Variants in GSE1 observed in about 807,000 individuals in gnomAD.
GSE1 encodes genetic suppressor element 1.
GSE1 carries 32 observed loss-of-function variants against 112.6 expected under a neutral mutation model. The observed-to-expected ratio is 0.28, with a 90% CI of 0.21 to 0.38. GSE1 has a LOEUF of 0.38. Among genes scored for constraint, GSE1 ranks in the 10% least tolerant of loss-of-function variants. GSE1 has a pLI of 1.00. For synonymous variants in GSE1, 1,115 were observed against 735.6 expected, an observed-to-expected ratio of 1.52 and a Z score of -8.35; for missense variants, 2,348 against 1,699.2, an observed-to-expected ratio of 1.38 and a Z score of -6.71.
rs150522696 is a variant in GSE1 at position 85,569,078 on chromosome 16, C to G, written c.37+12715C>G. ...GAGCCTCCTCCCAAATTCAAGCCTTCTTGAAATAGTAAGTTTGCATTTTTT... is the reference window on the plus strand; with the variant it reads ...GAGCCTCCTCCCAAATTCAAGCCTTGTTGAAATAGTAAGTTTGCATTTTTT... On this transcript the variant is annotated intron_variant, in intron 1 of 2. Transcript: ENST00000635906. Among the ~76,000 whole-genome samples the G allele has an allele frequency of 1.8e-3, 270 of 152,324 alleles. 1 individual carries two copies. The highest frequency in any genetic ancestry group is 0.014 in the Middle Eastern group (4 of 294).
exon 2 of GSE1, chr16:85,357,640 G>A: frequency 2.3e-6 from 3 of 1,288,256 alleles, no homozygotes; most frequent in Non-Finnish European, 3.0e-6. Context: ...CCTTACTGGT[G>A]CAGGTAGACG....
At chr16:85,477,911 G>T (rs1480772783) in intron 2 of GSE1, among the ~76,000 whole-genome samples, 2 of 152,192 alleles carry the variant, frequency 1.3e-5, no homozygotes, top group African/African-American at 4.8e-5. Context: ...CTCATATCAT[G>T]CATTTCACCC....
At chr16:85,264,776 G>A (rs1486181570) in intron 1 of GSE1, among the ~76,000 whole-genome samples, 1 of 152,196 alleles carries the variant, frequency 6.6e-6, no homozygotes, top group East Asian at 1.9e-4. Flanking sequence ...GTCCCCTGTG[G>A]AGACCCCTGG....
chr16:85,265,794 C>G (rs941385497), intron 1 of GSE1, among the ~76,000 whole-genome samples: 1 of 152,146 alleles, frequency 6.6e-6, no homozygotes, highest in Non-Finnish European at 1.5e-5. Context: ...CGCCGGGGTC[C>G]AGGCTTGTGT....
intron 2 of GSE1, among the ~76,000 whole-genome samples, chr16:85,492,400 T>C (rs1292935323): frequency 5.3e-5 from 8 of 152,146 alleles, no homozygotes; most frequent in Admixed American, 3.3e-4. Context: ...TGCACGCTAC[T>C]TTCTTAGGAA....
Position 85,634,042 on chromosome 16 carries a change from A to T in GSE1, c.136A>T (p.Thr46Ser). 6.2e-7 allele frequency: 1 copy of T among 1,609,638 alleles called. No individual in the cohort carries two copies. Among genetic ancestry groups the T allele is most frequent in the Non-Finnish European group, 8.5e-7 (1 of 1,178,300 alleles). The change falls in exon 2 of 16, where the codon ACC (threonine) becomes TCC (serine). Residue 46 changes from threonine (T) to serine (S), a missense_variant. By Grantham distance (58) the Thr-to-Ser change is moderately conservative. Coordinates refer to ENST00000253458, the MANE Select transcript of GSE1 (RefSeq NM_014615.5). ...CCTGGTGCCCAGCGGCAGCCCCGCC[A>T]CCAGCAGCGCGCTGTCGGCCCAGGC... ...GALVPSGSPA[T>S]SSALSAQAAP...
chr16:85,666,357 C>T lies in GSE1; in HGVS notation c.3130+10C>T, dbSNP rs376053255. ...CTGCAGAAGCATAAAGGTAATGAGG[C>T]TGCCAGTCCCTGCTCAGCTCTCGGC... On this transcript the variant is annotated intron_variant, in intron 13 of 15. Coordinates refer to ENST00000253458, the MANE Select transcript of GSE1 (RefSeq NM_014615.5). The T allele has an allele frequency of 1.7e-5, 27 of 1,612,916 alleles. No homozygotes were observed. The highest frequency in any genetic ancestry group is 6.7e-5 in the East Asian group (3 of 44,900).
chr16:85,295,727 A>T (rs2045347364), intron 1 of GSE1, among the ~76,000 whole-genome samples: 1 of 151,844 alleles, frequency 6.6e-6, no homozygotes, highest in Non-Finnish European at 1.5e-5. Context: ...TAGAAAACAC[A>T]CATCGATCCT....
intron 1 of GSE1, among the ~76,000 whole-genome samples, chr16:85,172,300 C>T (rs2074372667): frequency 6.6e-6 from 1 of 152,206 alleles, no homozygotes; most frequent in Admixed American, 6.5e-5. Context: ...CACCTAAGTT[C>T]ACACTGTTCT....
chr16:85,332,778 T>TC (rs1433393058), intron 1 of GSE1, among the ~76,000 whole-genome samples: 1 of 152,024 alleles, frequency 6.6e-6, no homozygotes, highest in Non-Finnish European at 1.5e-5. Context: ...ACGCCCTTTC[T>TC]CCCCCTCCAG....
chr16:85,534,531 C>T (rs1259761142), intron 2 of GSE1, among the ~76,000 whole-genome samples: 1 of 152,202 alleles, frequency 6.6e-6, no homozygotes, highest in Admixed American at 6.5e-5. Flanking sequence ...CTCAGAGTCC[C>T]TCCAGCCTGT....
At chr16:85,252,073 C>CG (rs1411298135) in intron 1 of GSE1, among the ~76,000 whole-genome samples, 1 of 152,220 alleles carries the variant, frequency 6.6e-6, no homozygotes, top group Non-Finnish European at 1.5e-5. Context: ...ACCCCAGAGT[C>CG]TGACTCCGGA....
intron 1 of GSE1, among the ~76,000 whole-genome samples, chr16:85,341,859 G>C (rs1045968976): frequency 4.6e-5 from 7 of 151,984 alleles, no homozygotes; most frequent in African/African-American, 1.7e-4. Context: ...AGGGAATAAG[G>C]CCTCGTGGTG....
chr16:85,366,441 C>T (rs2047187419), intron 2 of GSE1, among the ~76,000 whole-genome samples: 1 of 152,254 alleles, frequency 6.6e-6, no homozygotes, highest in Non-Finnish European at 1.5e-5. Context: ...CACGACCAAT[C>T]TATTTATCTT....
intron 2 of GSE1, among the ~76,000 whole-genome samples, chr16:85,386,691 G>T (rs2047695824): frequency 6.6e-6 from 1 of 152,226 alleles, no homozygotes; most frequent in Non-Finnish European, 1.5e-5. Flanking sequence ...GAAACGCCTT[G>T]GAAGGAGGCT....
At chr16:85,613,754 C>A (rs1173504112) in intron 1 of GSE1, among the ~76,000 whole-genome samples, 1 of 148,110 alleles carries the variant, frequency 6.8e-6, no homozygotes, top group Non-Finnish European at 1.5e-5. Context: ...GCTGCGGGCG[C>A]TGGAGAGCTG....
intron 2 of GSE1, among the ~76,000 whole-genome samples, chr16:85,431,627 T>C (rs1192966513): frequency 2.0e-5 from 3 of 152,090 alleles, no homozygotes; most frequent in Non-Finnish European, 2.9e-5. Context: ...CCCGAGACAC[T>C]TGGCCATGGC....
chr16:85,335,825 C>G (rs572284129), intron 1 of GSE1, among the ~76,000 whole-genome samples: 1 of 148,934 alleles, frequency 6.7e-6, no homozygotes, highest in African/African-American at 2.5e-5. Flanking sequence ...CTCCAAGCAG[C>G]CGGGCGCGCT....
chr16:85,331,363 G>GTATATA lies in GSE1; in HGVS notation c.2284-26099_2284-26098insATATAT, dbSNP rs1396264079. 3.4e-3 allele frequency among the ~76,000 whole-genome samples: 156 copies of GTATATA among 45,416 alleles called. 3 individuals are homozygous for GTATATA. Among genetic ancestry groups the GTATATA allele is most frequent in the East Asian group, 0.029 (34 of 1,178 alleles). The allele number at this position is 45,416 out of a possible 152,430, so 29.8% of individuals were successfully genotyped here. A position where few individuals can be genotyped will look rare whatever the true frequency, so the allele number is the denominator to read the frequency against. ...TGTGTGTGTGTGTGTGTGTGTGTGT[G>GTATATA]TGTATATATGTATATATATGTATAT... On this transcript the variant is annotated intron_variant, in intron 1 of 2. Transcript: ENST00000637419.
Sources: allele counts gnomAD v4.1 joint callset (sites outside exome capture counted in the v4.1 genomes callset), GRCh38; gene constraint gnomAD v4.1.1; transcripts MANE v1.5; gene names NCBI Gene and HGNC (gene_info 2026-07-23, HGNC 2026-07-21).